The following EDNRA variants were observed in gnomAD, a reference collection of about 807,000 sequenced individuals.
The protein encoded by EDNRA is endothelin receptor type A, also known as endothelin-1 receptor.
In EDNRA, 11 loss-of-function variants were observed where a neutral mutation model predicts 41.4. The ratio of observed to expected loss-of-function variants is 0.27; its 90% CI spans 0.17 to 0.44. The LOEUF (loss-of-function observed/expected upper bound fraction) is 0.44. Ranked by LOEUF, EDNRA falls within the 20% of genes least tolerant of loss-of-function variation. EDNRA has a pLI of 1.00. For missense variants in EDNRA, 294 were observed against 531.0 expected (o/e 0.55, Z 4.39); for synonymous variants, 172 against 183.0 (o/e 0.94, Z 0.49).
chr4:147,507,319 C>T (rs999753755), intron 2 of EDNRA, among the ~76,000 whole-genome samples: 7 of 152,202 alleles, frequency 4.6e-5, no homozygotes, highest in Middle Eastern at 6.8e-3. Flanking sequence ...GTCAAACCAA[C>T]CATGGTACAT....
In EDNRA at chr4:147,532,999, G is replaced by GTT. The variant is rs1448822347; in HGVS notation, c.747+296_747+297insTT. On this transcript the variant is annotated intron_variant, in intron 4 of 7. Transcript: ENST00000651419. ...AGAGGGACTAGATGTGTGTGTGTGT[G>GTT]TGTGTATGTGTGTGTGTGTGTGTGT... Among the ~76,000 whole-genome samples, 90 of 141,292 alleles carry GTT rather than the reference G, an allele frequency of 6.4e-4. 1 individual carries two copies. The highest frequency in any genetic ancestry group is 2.5e-3 in the African/African-American group (87 of 34,206). 92.7% of individuals were successfully genotyped at this position (141,292 alleles called of 152,430 possible). A position where few individuals can be genotyped will look rare whatever the true frequency, so the allele number is the denominator to read the frequency against.
chr4:147,536,083 C>T (rs924851781), intron 5 of EDNRA, 54 bp downstream of exon 5: 14 of 1,590,796 alleles, frequency 8.8e-6, no homozygotes, highest in East Asian at 2.2e-5. Flanking sequence ...TCCTTGACAG[C>T]AGCAGGCCTG....
intron 2 of EDNRA, chr4:147,491,697 C>T (rs929812081): frequency 3.3e-5 from 5 of 152,104 alleles, no homozygotes; most frequent in African/African-American, 1.2e-4. Flanking sequence ...CACCAAATTC[C>T]GTATGTGATA....
chr4:147,490,084 T>G (rs938309291), intron 2 of EDNRA: 1 of 151,778 alleles, frequency 6.6e-6, no homozygotes, highest in Non-Finnish European at 1.5e-5. Flanking sequence ...TTATATATGT[T>G]GCATCTAACA....
intron 1 of EDNRA, among the ~76,000 whole-genome samples, chr4:147,482,436 C>A (rs759941326): frequency 1.3e-5 from 2 of 152,188 alleles, no homozygotes; most frequent in Non-Finnish European, 2.9e-5. Flanking sequence ...TCCTTCAGGT[C>A]TGAACCTGAG....
intron 1 of EDNRA, among the ~76,000 whole-genome samples, chr4:147,484,455 G>A (rs898146295): frequency 6.6e-6 from 1 of 152,180 alleles, no homozygotes; most frequent in Non-Finnish European, 1.5e-5. Flanking sequence ...ACCTGCCTTA[G>A]AATCGCAGTG....
intron 4 of EDNRA, 79 bp downstream of exon 4, chr4:147,532,783 C>A: frequency 7.0e-7 from 1 of 1,421,568 alleles, no homozygotes; most frequent in Non-Finnish European, 9.9e-7. Flanking sequence ...GACTTGATGA[C>A]ATCGCCACAA....
chr4:147,515,368 TG>T lies in EDNRA; in HGVS notation c.421-4477del. On this transcript the variant is annotated intron_variant, in intron 2 of 7. Coordinates refer to ENST00000651419, the MANE Select transcript of EDNRA (RefSeq NM_001957.4). ...CATTGCCAAGTGTTCCCTGTGGTGGTGGGGGGAAGGGGGATGGCAAAATTGT... is the reference window on the plus strand; with the variant it reads ...CATTGCCAAGTGTTCCCTGTGGTGGTGGGGGAAGGGGGATGGCAAAATTGT... Among the ~76,000 whole-genome samples, 2 of 151,610 alleles carry T rather than the reference TG, an allele frequency of 1.3e-5. 1 individual carries two copies. The highest frequency in any genetic ancestry group is 3.9e-4 in the East Asian group (2 of 5,168).
intron 5 of EDNRA, among the ~76,000 whole-genome samples, chr4:147,538,630 G>A (rs1023760421): frequency 6.6e-6 from 1 of 152,122 alleles, no homozygotes; most frequent in Non-Finnish European, 1.5e-5. Flanking sequence ...CTTTTAAAAA[G>A]AGCCCCCATT....
intron 1 of EDNRA, among the ~76,000 whole-genome samples, chr4:147,482,858 C>T (rs960153415): frequency 2.0e-5 from 3 of 152,194 alleles, no homozygotes; most frequent in Non-Finnish European, 4.4e-5. Context: ...TAGAGCAGTA[C>T]CCACCGTAGC....
intron 4 of EDNRA, 61 bp from the exon 5 acceptor site, chr4:147,535,816 G>T: frequency 1.3e-6 from 2 of 1,588,218 alleles, no homozygotes; most frequent in Non-Finnish European, 1.7e-6. Flanking sequence ...CAGAGGCACA[G>T]CATGGTTAAT....
At chr4:147,538,763 G>A (rs1730999075) in intron 5 of EDNRA, among the ~76,000 whole-genome samples, 2 of 152,164 alleles carry the variant, frequency 1.3e-5, no homozygotes, top group African/African-American at 2.4e-5. Context: ...AGCGAGTTAT[G>A]AAAACTGCCC....
At chr4:147,536,846 A>G (rs1730938867) in intron 5 of EDNRA, among the ~76,000 whole-genome samples, 1 of 152,194 alleles carries the variant, frequency 6.6e-6, no homozygotes, top group Admixed American at 6.5e-5. Flanking sequence ...AACTAGACTC[A>G]TACTTGGCTC....
intron 2 of EDNRA, chr4:147,493,225 T>C (rs1033489091): frequency 6.6e-6 from 1 of 152,032 alleles, no homozygotes; most frequent in African/African-American, 2.4e-5. Context: ...AAGTTTTAGG[T>C]TTAAGAAAAT....
intron 2 of EDNRA, among the ~76,000 whole-genome samples, chr4:147,502,369 A>C (rs1328420799): frequency 6.6e-6 from 1 of 152,148 alleles, no homozygotes; most frequent in Admixed American, 6.5e-5. Context: ...TATAAACTCT[A>C]ATTATTAAAT....
intron 3 of EDNRA, among the ~76,000 whole-genome samples, chr4:147,531,274 G>C (rs1427876765): frequency 6.6e-6 from 1 of 152,120 alleles, no homozygotes; most frequent in Middle Eastern, 3.2e-3. Context: ...AGGAACCAAA[G>C]TATCTTTAAA....
At chr4:147,483,723 A>AT (rs1338857662) in intron 1 of EDNRA, among the ~76,000 whole-genome samples, 1 of 114,752 alleles carries the variant, frequency 8.7e-6, no homozygotes, top group African/African-American at 5.4e-5. Context: ...TTATTTATTT[A>AT]ATTTTTTTTT....
chr4:147,511,237 CATA>C (rs1179341281), intron 2 of EDNRA, among the ~76,000 whole-genome samples: 2 of 152,132 alleles, frequency 1.3e-5, no homozygotes, highest in Non-Finnish European at 2.9e-5. Flanking sequence ...TCTGAAGTTT[CATA>C]ATATGATTAG....
At chr4:147,496,289 CA>C (rs1361896919) in intron 2 of EDNRA, among the ~76,000 whole-genome samples, 4 of 152,128 alleles carry the variant, frequency 2.6e-5, no homozygotes, top group African/African-American at 9.7e-5. Flanking sequence ...TAGAATACAG[CA>C]AAGTTTCTCT....
Sources: gnomAD v4.1 joint callset for allele counts (sites outside exome capture counted in the v4.1 genomes callset) on GRCh38, gnomAD v4.1.1 for gene constraint, MANE v1.5 for transcripts, NCBI Gene and HGNC (gene_info 2026-07-23, HGNC 2026-07-21) for gene names.